Variants in IGF1 observed in about 807,000 individuals in gnomAD.
IGF1 encodes insulin like growth factor 1, also known as insulin-like growth factor 1.
Under a neutral mutation model 13.8 loss-of-function variants are expected in IGF1, and 4 were observed. The ratio of observed to expected loss-of-function variants is 0.29; its 90% confidence interval spans 0.14 to 0.66. The LOEUF (loss-of-function observed/expected upper bound fraction) is 0.66, where lower values mean the gene tolerates loss of function less well. IGF1 is among the 30% of genes least tolerant of loss of function. IGF1 has a pLI of 0.78. For synonymous variants in IGF1, 76 were observed against 72.6 expected (o/e 1.05, Z -0.23); for missense variants, 124 against 188.5 (o/e 0.66, Z 2.00).
upstream of IGF1, chr12:102,480,570 T>TA: frequency 7.0e-7 from 1 of 1,438,358 alleles, no homozygotes; most frequent in Non-Finnish European, 9.1e-7. Flanking sequence ...GAAGAGGGAT[T>TA]TAGAGAAAAT....
At chr12:102,413,064 C>T (rs892667459) in intron 3 of IGF1, among the ~76,000 whole-genome samples, 24 of 152,194 alleles carry the variant, frequency 1.6e-4, no homozygotes, top group Admixed American at 1.4e-3. Flanking sequence ...GCTACTCCCT[C>T]TTTAAAAATT....
intron 2 of IGF1, among the ~76,000 whole-genome samples, chr12:102,446,113 A>G (rs968601884): frequency 6.6e-6 from 1 of 152,148 alleles, no homozygotes; most frequent in Non-Finnish European, 1.5e-5. Context: ...GTGCTGCTGG[A>G]TTCAGTTTGC....
chr12:102,445,223 C>T (rs1435273581), intron 2 of IGF1, among the ~76,000 whole-genome samples: 2 of 152,144 alleles, frequency 1.3e-5, no homozygotes, highest in African/African-American at 4.8e-5. Flanking sequence ...TATCCAGGCT[C>T]TTTTTTGGTT....
At chr12:102,433,964 A>T (rs889406184) in intron 2 of IGF1, among the ~76,000 whole-genome samples, 4 of 152,138 alleles carry the variant, frequency 2.6e-5, no homozygotes, top group African/African-American at 9.7e-5. Flanking sequence ...CCTCCTTAGC[A>T]TCATTATGAA....
chr12:102,431,280 A>T (rs550157379), intron 2 of IGF1, among the ~76,000 whole-genome samples: 4 of 152,350 alleles, frequency 2.6e-5, no homozygotes, highest in Admixed American at 6.5e-5. Flanking sequence ...CTTAGAGGAT[A>T]CTAATTAGCT....
chr12:102,469,127 G>GC (rs1880524127), intron 2 of IGF1, among the ~76,000 whole-genome samples: 2 of 152,190 alleles, frequency 1.3e-5, no homozygotes, highest in South Asian at 4.1e-4. Context: ...AGTAATACCA[G>GC]CAAAGGTGGC....
chr12:102,405,094 TTTC>T (rs1874030783), intron 3 of IGF1, among the ~76,000 whole-genome samples: 1 of 150,300 alleles, frequency 6.7e-6, no homozygotes, highest in Non-Finnish European at 1.5e-5. Flanking sequence ...TCTTTCTTTC[TTTC>T]TTTTTTTTGA....
At chr12:102,408,843 A>T (rs989466414) in intron 3 of IGF1, among the ~76,000 whole-genome samples, 1 of 150,644 alleles carries the variant, frequency 6.6e-6, no homozygotes, top group Non-Finnish European at 1.5e-5. Flanking sequence ...CAACCAATCT[A>T]CTCTCTCTCT....
At chr12:102,474,050 A>G (rs544901265) in intron 2 of IGF1, among the ~76,000 whole-genome samples, 11 of 151,740 alleles carry the variant, frequency 7.2e-5, no homozygotes, top group South Asian at 4.2e-4. Flanking sequence ...ATTATCAAGG[A>G]AAAAAAAAGT....
At chr12:102,478,429 G>A in intron 1 of IGF1, 1 of 1,201,006 alleles carries the variant, frequency 8.3e-7, no homozygotes, top group Non-Finnish European at 1.2e-6. Flanking sequence ...CAGATGTCTG[G>A]GCCACAATGA....
Position 102,398,545 on chromosome 12 carries a change from A to G in IGF1, c.*3962T>C, listed in dbSNP as rs922585323. Reference sequence around the variant, plus strand: ...GATCAAGTTCAGAAGATTGGATAATATATTGCTAATTTTGCTAAGTTTGAG... The same window carrying G: ...GATCAAGTTCAGAAGATTGGATAATGTATTGCTAATTTTGCTAAGTTTGAG... On this transcript the variant is annotated 3_prime_UTR_variant, in exon 4 of 4. Transcript: ENST00000337514. 2.6e-5 allele frequency: 4 copies of G among 152,160 alleles called. No individual in the cohort carries two copies. The highest frequency in any genetic ancestry group is 4.4e-5 in the Non-Finnish European group (3 of 68,030). 9.4% of individuals were successfully genotyped at this position (152,160 alleles called of 1,614,324 possible).
intron 2 of IGF1, among the ~76,000 whole-genome samples, chr12:102,448,130 G>A (rs1878523523): frequency 6.6e-6 from 1 of 150,998 alleles, no homozygotes; most frequent in Non-Finnish European, 1.5e-5. Flanking sequence ...AGTCAGTGTG[G>A]CGATTCCTCA....
intron 2 of IGF1, among the ~76,000 whole-genome samples, chr12:102,454,895 C>T (rs931246816): frequency 2.6e-5 from 4 of 152,166 alleles, no homozygotes; most frequent in Non-Finnish European, 4.4e-5. Flanking sequence ...TATCACAATG[C>T]GTTAGTGTCC....
chr12:102,403,931 C>A (rs540186176), intron 3 of IGF1, among the ~76,000 whole-genome samples: 1 of 152,110 alleles, frequency 6.6e-6, no homozygotes, highest in South Asian at 2.1e-4. Context: ...GTATGAGGGA[C>A]CCCCTTGTGA....
intron 2 of IGF1, among the ~76,000 whole-genome samples, chr12:102,451,088 G>A (rs560605483): frequency 2.8e-4 from 43 of 152,306 alleles, no homozygotes; most frequent in African/African-American, 9.6e-4. Flanking sequence ...ACACTCTAAA[G>A]TTATATCAAG....
At chr12:102,419,378 C>T in intron 3 of IGF1, 131 bp downstream of exon 3, 1 of 815,430 alleles carries the variant, frequency 1.2e-6, no homozygotes, top group South Asian at 1.8e-5. Flanking sequence ...TGTAATCCAT[C>T]CCTTTGGTGC....
At chr12:102,480,647 C>A, upstream of IGF1, 1 of 1,307,392 alleles carries the variant, frequency 7.6e-7, no homozygotes, top group Non-Finnish European at 9.9e-7. Flanking sequence ...TTTGCCTTCT[C>A]TCTCTCTCCC....
intron 2 of IGF1, among the ~76,000 whole-genome samples, chr12:102,464,960 G>A (rs1880196482): frequency 6.6e-6 from 1 of 152,142 alleles, no homozygotes; most frequent in South Asian, 2.1e-4. Context: ...ACCTCGTGGG[G>A]AACAAAGTCT....
chr12:102,460,991 G>A (rs1879852114), intron 2 of IGF1, among the ~76,000 whole-genome samples: 1 of 152,258 alleles, frequency 6.6e-6, no homozygotes, highest in East Asian at 1.9e-4. Context: ...AAGGTGGAAT[G>A]TCTTGGTTCA....
Sources: allele counts gnomAD v4.1 joint callset (sites outside exome capture counted in the v4.1 genomes callset), GRCh38; gene constraint gnomAD v4.1.1; transcripts MANE v1.5; gene names NCBI Gene and HGNC (gene_info 2026-07-23, HGNC 2026-07-21).